RBFOX2: variants seen among roughly 807,000 people sequenced by gnomAD.
RBFOX2 encodes RNA binding fox-1 homolog 2.
Under a neutral mutation model 49.1 loss-of-function variants are expected in RBFOX2, and 10 were observed. The observed-to-expected ratio is 0.20, with a 90% CI of 0.13 to 0.35. RBFOX2 has a LOEUF of 0.35. Among genes scored for constraint, RBFOX2 ranks in the 10% least tolerant of loss-of-function variants. The pLI, the probability that RBFOX2 is intolerant of heterozygous loss-of-function variation, is 1.00. For synonymous variants in RBFOX2, 183 were observed against 187.4 expected, an observed-to-expected ratio of 0.98 and a Z score of 0.19; for missense variants, 323 against 486.9, an observed-to-expected ratio of 0.66 and a Z score of 3.17.
At chr22:35,842,512 C>G (rs1404885676), upstream of RBFOX2, among the ~76,000 whole-genome samples, 1 of 152,094 alleles carries the variant, frequency 6.6e-6, no homozygotes, top group Non-Finnish European at 1.5e-5. Flanking sequence ...TCACTGGAAG[C>G]AAGAGCAACC....
chr22:35,898,213 A>T, intron 1 of RBFOX2: 1 of 757,918 alleles, frequency 1.3e-6, no homozygotes, highest in Non-Finnish European at 2.4e-6. Flanking sequence ...TCGGCCCAGG[A>T]ATCCTGTTGC....
chr22:35,748,240 T>C (rs1019020355), intron 9 of RBFOX2: 2 of 152,228 alleles, frequency 1.3e-5, no homozygotes, highest in Non-Finnish European at 2.9e-5. Flanking sequence ...GTTTTTCAAA[T>C]GAGTGACTTA....
intron 1 of RBFOX2, among the ~76,000 whole-genome samples, chr22:36,016,162 A>G (rs1024512840): frequency 4.0e-5 from 6 of 151,718 alleles, no homozygotes; most frequent in African/African-American, 7.3e-5. Context: ...ATTAAGGCCC[A>G]CTCCTTCAAA....
intron 1 of RBFOX2, among the ~76,000 whole-genome samples, chr22:35,988,383 A>T (rs991847832): frequency 1.3e-5 from 2 of 152,224 alleles, no homozygotes; most frequent in African/African-American, 4.8e-5. Flanking sequence ...CTACCCTCGA[A>T]GAGCTTACAG....
intron 1 of RBFOX2, among the ~76,000 whole-genome samples, chr22:35,870,960 A>G (rs536488063): frequency 1.3e-3 from 204 of 152,288 alleles, no homozygotes; most frequent in Non-Finnish European, 2.4e-3. Context: ...AATTAGCACC[A>G]TATCCACACT....
exon 12 of RBFOX2, chr22:35,742,612 C>T (rs546837643): frequency 3.2e-4 from 49 of 152,700 alleles, no homozygotes; most frequent in African/African-American, 9.9e-4. Context: ...CCAAAAAGAC[C>T]GTGCTTTTCT....
intron 1 of RBFOX2, among the ~76,000 whole-genome samples, chr22:36,009,635 C>T (rs2058740140): frequency 6.6e-6 from 1 of 152,144 alleles, no homozygotes; most frequent in East Asian, 1.9e-4. Context: ...GTGACCCACC[C>T]GCCTTGGCCT....
At chr22:36,020,894 G>C (rs932577493) in intron 1 of RBFOX2, among the ~76,000 whole-genome samples, 3 of 152,124 alleles carry the variant, frequency 2.0e-5, no homozygotes, top group African/African-American at 7.2e-5. Flanking sequence ...TCCCATTACT[G>C]GGTATATATC....
intron 2 of RBFOX2, among the ~76,000 whole-genome samples, chr22:35,785,733 T>A (rs1318202232): frequency 6.6e-6 from 1 of 152,204 alleles, no homozygotes; most frequent in Admixed American, 6.5e-5. Context: ...ATGATTCATG[T>A]GATATAAAAA....
At chr22:35,854,585 C>A (rs1258200279) in intron 1 of RBFOX2, among the ~76,000 whole-genome samples, 2 of 151,362 alleles carry the variant, frequency 1.3e-5, no homozygotes, top group African/African-American at 4.9e-5. Context: ...CACAGCAAGA[C>A]CCTGTCTCTT....
intron 9 of RBFOX2, among the ~76,000 whole-genome samples, chr22:35,755,772 T>C (rs1190280755): frequency 6.6e-6 from 1 of 152,018 alleles, no homozygotes; most frequent in Non-Finnish European, 1.5e-5. Context: ...ATAAAAGACT[T>C]TAAACCTGCT....
chr22:35,934,902 T>C (rs1276265204), intron 1 of RBFOX2, among the ~76,000 whole-genome samples: 2 of 152,118 alleles, frequency 1.3e-5, no homozygotes, highest in Non-Finnish European at 2.9e-5. Flanking sequence ...AACCACTACA[T>C]TGTATCATCA....
intron 1 of RBFOX2, among the ~76,000 whole-genome samples, chr22:35,923,762 T>C (rs904254449): frequency 1.3e-5 from 2 of 150,126 alleles, no homozygotes; most frequent in African/African-American, 4.9e-5. Context: ...AAAGATCAAA[T>C]GAGAATGGGT....
chr22:35,950,345 GC>G (rs1487466282), intron 1 of RBFOX2, among the ~76,000 whole-genome samples: 2 of 152,044 alleles, frequency 1.3e-5, no homozygotes, highest in Non-Finnish European at 2.9e-5. Flanking sequence ...ATGATGTCAA[GC>G]TTTACCCATA....
intron 2 of RBFOX2, among the ~76,000 whole-genome samples, chr22:35,807,092 C>T (rs1019425827): frequency 6.6e-6 from 1 of 152,202 alleles, no homozygotes; most frequent in African/African-American, 2.4e-5. Context: ...GCGTGAGCCA[C>T]CCCACCTGGC....
chr22:35,854,959 T>C (rs982473655), intron 1 of RBFOX2, among the ~76,000 whole-genome samples: 11 of 152,188 alleles, frequency 7.2e-5, no homozygotes, highest in Non-Finnish European at 1.2e-4. Flanking sequence ...CTTTTCTTGA[T>C]ATGGTCTTTC....
At chr22:35,821,107 T>C (rs1954357728) in intron 1 of RBFOX2, among the ~76,000 whole-genome samples, 1 of 152,342 alleles carries the variant, frequency 6.6e-6, no homozygotes, top group East Asian at 1.9e-4. Context: ...ATGTTCCTGA[T>C]ATAAACTAAT....
intron 1 of RBFOX2, among the ~76,000 whole-genome samples, chr22:35,931,269 A>G (rs138875021): frequency 1.1e-3 from 164 of 151,866 alleles, no homozygotes; most frequent in African/African-American, 3.8e-3. Context: ...AAAAAAAGCA[A>G]TTTCACACTT....
chr22:35,860,184 A>G (rs1401819400), intron 1 of RBFOX2, among the ~76,000 whole-genome samples: 1 of 152,046 alleles, frequency 6.6e-6, no homozygotes, highest in African/African-American at 2.4e-5. Flanking sequence ...GGTCTTGGGG[A>G]TATTAGCAAA....
Sources: gnomAD v4.1 joint callset for allele counts (sites outside exome capture counted in the v4.1 genomes callset) on GRCh38, gnomAD v4.1.1 for gene constraint, MANE v1.5 for transcripts, NCBI Gene and HGNC (gene_info 2026-07-23, HGNC 2026-07-21) for gene names.